The following IMMP2L variants were observed in gnomAD, a reference collection of about 807,000 sequenced individuals.
IMMP2L encodes the protein mitochondrial inner membrane protease subunit 2.
IMMP2L carries 18 observed loss-of-function variants against 19.3 expected under a neutral mutation model. The observed-to-expected ratio is 0.93, with a 90% CI of 0.64 to 1.38. The LOEUF is 1.38. Ranked by LOEUF, IMMP2L falls within the 40% of genes most tolerant of loss-of-function variation. The pLI is 0.00. For missense variants in IMMP2L, 233 were observed against 218.2 expected (o/e 1.07, Z -0.43); for synonymous variants, 76 against 73.0 (o/e 1.04, Z -0.21).
intron 2 of IMMP2L, among the ~76,000 whole-genome samples, chr7:111,501,399 GCAGGATATTATC>G (rs1181010540): frequency 1.3e-5 from 2 of 152,140 alleles, no homozygotes; most frequent in East Asian, 3.8e-4. Context: ...AAAACACTCT[GCAGGATATTATC>G]CAGGAGAACT....
At chr7:111,145,058 T>C (rs214843) in intron 3 of IMMP2L, among the ~76,000 whole-genome samples, 2,355 of 152,122 alleles carry the variant, frequency 0.015, 57 homozygotes, top group African/African-American at 0.054. Flanking sequence ...TGTGCATATG[T>C]TGTGTAGAGT....
intron 3 of IMMP2L, among the ~76,000 whole-genome samples, chr7:111,161,379 T>C (rs1291565243): frequency 1.3e-5 from 2 of 152,068 alleles, no homozygotes; most frequent in African/African-American, 4.8e-5. Flanking sequence ...CATAAAAACA[T>C]TTCTACTGTT....
At chr7:111,200,478 T>C (rs1156966564) in intron 3 of IMMP2L, among the ~76,000 whole-genome samples, 2 of 152,230 alleles carry the variant, frequency 1.3e-5, no homozygotes, top group East Asian at 1.9e-4. Context: ...AACATTTTGT[T>C]TGTATTTTGT....
chr7:110,765,200 CA>C (rs1798586699), intron 5 of IMMP2L, among the ~76,000 whole-genome samples: 1 of 152,092 alleles, frequency 6.6e-6, no homozygotes, highest in Non-Finnish European at 1.5e-5. Flanking sequence ...ATAAGAGGAA[CA>C]GTTTTCATTT....
chr7:111,084,531 A>G (rs528957240), intron 3 of IMMP2L, among the ~76,000 whole-genome samples: 83 of 152,254 alleles, frequency 5.5e-4, no homozygotes, highest in Admixed American at 4.4e-3. Context: ...GCACTGATAT[A>G]GGTTTGAAAG....
At position 111,197,667 on chromosome 7, in the gene IMMP2L, G is replaced by T. The variant is rs967375641; in HGVS notation, c.240-234102C>A. Among the ~76,000 whole-genome samples, 61 of 152,102 alleles carry T rather than the reference G, an allele frequency of 4.0e-4. 2 individuals are homozygous for T. Among genetic ancestry groups the T allele is most frequent in the Admixed American group, 1.3e-4 (2 of 15,270 alleles). ...AAGGAAGTATCAGCTGGAAGGATGG[G>T]AAAAACAACTATATTTTAAAACTCA... On this transcript the variant is annotated intron_variant, in intron 3 of 5. Transcript: ENST00000405709.
At chr7:111,467,451 A>G (rs1840782545) in intron 3 of IMMP2L, among the ~76,000 whole-genome samples, 2 of 152,072 alleles carry the variant, frequency 1.3e-5, no homozygotes, top group Non-Finnish European at 2.9e-5. Flanking sequence ...CTTTTCTCCT[A>G]CTTATGTGAG....
At chr7:110,737,714 C>G (rs1796732116) in intron 5 of IMMP2L, among the ~76,000 whole-genome samples, 1 of 152,226 alleles carries the variant, frequency 6.6e-6, no homozygotes, top group Non-Finnish European at 1.5e-5. Flanking sequence ...AGGACCACAG[C>G]TGATGTGCTC....
intron 3 of IMMP2L, among the ~76,000 whole-genome samples, chr7:111,113,537 A>G (rs1799492856): frequency 6.6e-6 from 1 of 152,036 alleles, no homozygotes; most frequent in Admixed American, 6.6e-5. Context: ...TTTTTCTTTT[A>G]ACTATACCAG....
chr7:111,086,046 A>G (rs1428011211), intron 3 of IMMP2L, among the ~76,000 whole-genome samples: 1 of 152,124 alleles, frequency 6.6e-6, no homozygotes, highest in Non-Finnish European at 1.5e-5. Flanking sequence ...TGATGAAATA[A>G]CATGCACAAA....
intron 3 of IMMP2L, among the ~76,000 whole-genome samples, chr7:111,348,526 T>G (rs1827811291): frequency 6.6e-6 from 1 of 152,084 alleles, no homozygotes; most frequent in Non-Finnish European, 1.5e-5. Flanking sequence ...CTTCTCCATT[T>G]CAGTATGTTA....
chr7:111,546,965 C>T (rs1468533593), intron 1 of IMMP2L, among the ~76,000 whole-genome samples: 2 of 152,036 alleles, frequency 1.3e-5, no homozygotes, highest in Non-Finnish European at 2.9e-5. Flanking sequence ...GTACAGAATG[C>T]TAATGTTGTA....
intron 3 of IMMP2L, among the ~76,000 whole-genome samples, chr7:111,191,201 A>G (rs1284665745): frequency 6.6e-6 from 1 of 152,052 alleles, no homozygotes; most frequent in Non-Finnish European, 1.5e-5. Context: ...TGTATTTTGA[A>G]TGATATTCTT....
chr7:111,438,392 T>C (rs1837400218), intron 3 of IMMP2L, among the ~76,000 whole-genome samples: 1 of 151,798 alleles, frequency 6.6e-6, no homozygotes, highest in African/African-American at 2.4e-5. Flanking sequence ...AAGATTTTTA[T>C]GAAAAACCTC....
intron 3 of IMMP2L, among the ~76,000 whole-genome samples, chr7:111,033,905 A>G (rs574285888): frequency 1.3e-5 from 2 of 152,338 alleles, no homozygotes; most frequent in African/African-American, 2.4e-5. Context: ...TATCCATATT[A>G]TGGAACATTG....
chr7:111,187,915 T>A (rs1332282312), intron 3 of IMMP2L, among the ~76,000 whole-genome samples: 1 of 152,104 alleles, frequency 6.6e-6, no homozygotes, highest in Non-Finnish European at 1.5e-5. Flanking sequence ...AGAGTAAGAT[T>A]TACATCCATA....
intron 3 of IMMP2L, among the ~76,000 whole-genome samples, chr7:111,195,693 T>C (rs1425003077): frequency 6.6e-6 from 1 of 152,078 alleles, no homozygotes; most frequent in Admixed American, 6.5e-5. Flanking sequence ...AGTTCCTTTT[T>C]ATGAGTGTCG....
chr7:110,828,745 G>A (rs1803715198), intron 5 of IMMP2L, among the ~76,000 whole-genome samples: 1 of 152,126 alleles, frequency 6.6e-6, no homozygotes, highest in Admixed American at 6.6e-5. Flanking sequence ...AAAACAACCA[G>A]GGATCTAAAA....
chr7:111,233,974 A>C (rs1814005694), intron 3 of IMMP2L, among the ~76,000 whole-genome samples: 1 of 152,090 alleles, frequency 6.6e-6, no homozygotes, highest in Non-Finnish European at 1.5e-5. Flanking sequence ...CCACAAGCAG[A>C]AATTGTTTGG....
Sources: gnomAD v4.1 joint callset for allele counts (sites outside exome capture counted in the v4.1 genomes callset) on GRCh38, gnomAD v4.1.1 for gene constraint, MANE v1.5 for transcripts, NCBI Gene and HGNC (gene_info 2026-07-23, HGNC 2026-07-21) for gene names.